Variants in OTOGL observed in about 807,000 individuals in gnomAD.
OTOGL encodes the protein otogelin-like protein.
OTOGL carries 285 observed loss-of-function variants against 318.5 expected under a neutral mutation model. That is an observed-to-expected ratio of 0.89 (90% CI 0.81 to 0.99). The LOEUF is 0.99. OTOGL is among the 50% of genes least tolerant of loss of function. The pLI is 0.00. For synonymous variants in OTOGL, 987 were observed against 936.5 expected (o/e 1.05, Z -0.99); for missense variants, 2,899 against 2,845.6 (o/e 1.02, Z -0.43).
At chr12:80,372,111 A>C in intron 57 of OTOGL, 47 bp downstream of exon 57, 1 of 1,327,042 alleles carries the variant, frequency 7.5e-7, no homozygotes, top group South Asian at 1.6e-5. Context: ...ATTAGTTTTA[A>C]TTGCTCATAG....
intron 52 of OTOGL, among the ~76,000 whole-genome samples, chr12:80,363,596 G>C (rs1308344808): frequency 1.3e-5 from 2 of 152,160 alleles, no homozygotes; most frequent in Non-Finnish European, 2.9e-5. Flanking sequence ...AAGGTTTCAA[G>C]TCTTGCACAC....
At chr12:80,336,210 G>C in intron 39 of OTOGL, 70 bp downstream of exon 39, 1 of 1,418,772 alleles carries the variant, frequency 7.0e-7, no homozygotes, top group Non-Finnish European at 9.2e-7. Flanking sequence ...TTACTTTTTT[G>C]AACCTTTCAC....
At chr12:80,132,318 G>A (rs1469364261) in intron 1 of OTOGL, among the ~76,000 whole-genome samples, 1 of 152,046 alleles carries the variant, frequency 6.6e-6, no homozygotes, top group Admixed American at 6.6e-5. Flanking sequence ...TTTATCAGAT[G>A]TAGTCTTATA....
intron 1 of OTOGL, among the ~76,000 whole-genome samples, chr12:80,134,701 C>T (rs148058989): frequency 6.6e-6 from 1 of 152,172 alleles, no homozygotes; most frequent in African/African-American, 2.4e-5. Context: ...CAATCCTCCC[C>T]CTTTCCCACC....
At chr12:80,175,330 A>G (rs1313289639) in intron 1 of OTOGL, among the ~76,000 whole-genome samples, 2 of 152,180 alleles carry the variant, frequency 1.3e-5, no homozygotes, top group Non-Finnish European at 2.9e-5. Flanking sequence ...ACACATTGAA[A>G]ATAATAGTGG....
At chr12:80,178,483 T>C (rs1430628370) in intron 1 of OTOGL, among the ~76,000 whole-genome samples, 1 of 152,198 alleles carries the variant, frequency 6.6e-6, no homozygotes, top group Non-Finnish European at 1.5e-5. Context: ...GATCTTTCTG[T>C]AGTTCTCTAT....
chr12:80,317,387 AG>A (rs1393238776), intron 32 of OTOGL, among the ~76,000 whole-genome samples: 1 of 152,128 alleles, frequency 6.6e-6, no homozygotes, highest in African/African-American at 2.4e-5. Context: ...TCAATTCAAA[AG>A]CTTTAGGTTT....
chr12:80,359,994 T>C (rs1056428706), intron 52 of OTOGL, among the ~76,000 whole-genome samples: 2 of 152,222 alleles, frequency 1.3e-5, no homozygotes, highest in Non-Finnish European at 2.9e-5. Flanking sequence ...TTGCTTTTTG[T>C]GTGTGTATGT....
rs138684589 is a variant in OTOGL at position 80,103,171 on chromosome 12, C to G, written c.-20+3566C>G. On this transcript the variant is annotated intron_variant, in intron 1 of 58. Coordinates refer to ENST00000547103, the MANE Select transcript of OTOGL (RefSeq NM_001378609.3). ...TCGTAGTGTCCTCGTACAACCTGAA[C>G]TTCATCGTCCTTTCGGATGGGCATG... 2.0e-4 allele frequency: 263 copies of G among 1,329,788 alleles called. 3 individuals carry two copies. The African/African-American group carries it at 2.9e-3, about 15-fold the overall frequency. 82.4% of individuals were successfully genotyped at this position (1,329,788 alleles called of 1,614,324 possible). A position where few individuals can be genotyped will look rare whatever the true frequency, so the allele number is the denominator to read the frequency against.
At chr12:80,336,161 C>T (rs765451855) in intron 39 of OTOGL, 21 bp downstream of exon 39, 17 of 1,513,486 alleles carry the variant, frequency 1.1e-5, no homozygotes, top group East Asian at 7.0e-5. Context: ...ATTTCTTAAG[C>T]GGTGATCTTT....
intron 26 of OTOGL, among the ~76,000 whole-genome samples, chr12:80,280,618 A>C (rs990670250): frequency 2.0e-5 from 3 of 151,466 alleles, no homozygotes; most frequent in Non-Finnish European, 3.0e-5. Context: ...GTATGTGGCT[A>C]TGTTTTTGGG....
chr12:80,265,971 C>T (rs1417285607), intron 20 of OTOGL: 1 of 152,670 alleles, frequency 6.6e-6, no homozygotes, highest in Non-Finnish European at 1.5e-5. Flanking sequence ...TAATCACAGA[C>T]CCAGCAGTTA....
At chr12:80,140,668 C>G (rs1293224732) in intron 1 of OTOGL, among the ~76,000 whole-genome samples, 1 of 152,130 alleles carries the variant, frequency 6.6e-6, no homozygotes, top group Non-Finnish European at 1.5e-5. Flanking sequence ...ACTAAGTATA[C>G]CTACCTCTTA....
In OTOGL at chr12:80,122,615, G is replaced by T. The variant is rs190261724; in HGVS notation, c.-20+23010G>T. Among the ~76,000 whole-genome samples, 624 of 152,220 alleles carry T rather than the reference G, an allele frequency of 4.1e-3. 4 individuals carry two copies. Among genetic ancestry groups the T allele is most frequent in the African/African-American group, 0.014 (594 of 41,530 alleles). On this transcript the variant is annotated intron_variant, in intron 1 of 58. Coordinates refer to ENST00000547103, the MANE Select transcript of OTOGL (RefSeq NM_001378609.3). ...TATGTTTATAGAAGTAAATGTCAAG[G>T]TAAGCTTGGCAAGAAGCAAAAGAAA...
chr12:80,345,620 T>A (rs1889148815), intron 44 of OTOGL, among the ~76,000 whole-genome samples: 1 of 152,070 alleles, frequency 6.6e-6, no homozygotes, highest in Admixed American at 6.6e-5. Context: ...ACCTAAATAA[T>A]GTAAATGGAT....
At chr12:80,177,404 T>C (rs1352143277) in intron 1 of OTOGL, among the ~76,000 whole-genome samples, 1 of 152,230 alleles carries the variant, frequency 6.6e-6, no homozygotes, top group Non-Finnish European at 1.5e-5. Context: ...AGCACCTTTT[T>C]TGAAAACTAA....
Position 80,186,174 on chromosome 12 carries a change from A to G in OTOGL, c.-19-23239A>G, listed in dbSNP as rs148467907. ...GGAAAATGTGTTCAAAACCAAATTCATTATGTTTGCTTCAAAACAGTTGTT... is the reference window on the plus strand; with the variant it reads ...GGAAAATGTGTTCAAAACCAAATTCGTTATGTTTGCTTCAAAACAGTTGTT... On this transcript the variant is annotated intron_variant, in intron 1 of 58. Coordinates refer to ENST00000547103, the MANE Select transcript of OTOGL (RefSeq NM_001378609.3). Among the ~76,000 whole-genome samples the G allele has an allele frequency of 1.8e-3, 275 of 152,290 alleles. 2 individuals are homozygous for G. The highest frequency in any genetic ancestry group is 6.5e-3 in the African/African-American group (269 of 41,564).
At chr12:80,140,865 A>G (rs564305203) in intron 1 of OTOGL, among the ~76,000 whole-genome samples, 7 of 152,182 alleles carry the variant, frequency 4.6e-5, no homozygotes, top group Non-Finnish European at 7.4e-5. Context: ...ATATACGGAC[A>G]TCAGTAATTT....
intron 1 of OTOGL, chr12:80,189,402 GACCA>G: frequency 1.0e-6 from 1 of 984,500 alleles, no homozygotes; most frequent in Non-Finnish European, 1.2e-6. Flanking sequence ...TTGACCAATT[GACCA>G]AACAAGACCC....
Sources: allele counts gnomAD v4.1 joint callset (sites outside exome capture counted in the v4.1 genomes callset), GRCh38; gene constraint gnomAD v4.1.1; transcripts MANE v1.5; gene names NCBI Gene and HGNC (gene_info 2026-07-23, HGNC 2026-07-21).